Variants in LRRC4C observed in about 807,000 individuals in gnomAD.
LRRC4C encodes the protein leucine-rich repeat-containing protein 4C.
A neutral mutation model predicts 33.6 loss-of-function variants in LRRC4C; 5 were observed. The observed-to-expected ratio is 0.15, with a 90% CI of 0.08 to 0.31. The LOEUF is 0.31. Ranked by LOEUF, LRRC4C falls within the 10% of genes least tolerant of loss-of-function variation. LRRC4C has a pLI of 1.00. For synonymous variants in LRRC4C, 329 were observed against 302.0 expected, an observed-to-expected ratio of 1.09 and a Z score of -0.93; for missense variants, 560 against 796.7, an observed-to-expected ratio of 0.70 and a Z score of 3.58.
chr11:41,282,493 AGT>A, intron 1 of LRRC4C, among the ~76,000 whole-genome samples: 1 of 152,348 alleles, frequency 6.6e-6, no homozygotes, highest in Middle Eastern at 3.4e-3. Context: ...CAATGGGAGA[AGT>A]CCCAGAATCT....
intron 1 of LRRC4C, among the ~76,000 whole-genome samples, chr11:41,356,443 T>C (rs1449661728): frequency 2.0e-5 from 3 of 152,154 alleles, no homozygotes; most frequent in Non-Finnish European, 4.4e-5. Flanking sequence ...TAAGGGGCCC[T>C]AATCACCATC....
chr11:40,233,941 T>A (rs1178025386), intron 5 of LRRC4C, among the ~76,000 whole-genome samples: 1 of 152,144 alleles, frequency 6.6e-6, no homozygotes, highest in African/African-American at 2.4e-5. Flanking sequence ...TACTTCACAT[T>A]TATACTCTTA....
chr11:41,038,455 G>C (rs1458878533), intron 1 of LRRC4C, among the ~76,000 whole-genome samples: 1 of 152,028 alleles, frequency 6.6e-6, no homozygotes, highest in African/African-American at 2.4e-5. Flanking sequence ...CCTTGGGTGA[G>C]GTGTTTCCTT....
chr11:41,172,434 T>C (rs1405012440), intron 1 of LRRC4C, among the ~76,000 whole-genome samples: 1 of 152,168 alleles, frequency 6.6e-6, no homozygotes, highest in Non-Finnish European at 1.5e-5. Context: ...CACAAAACCA[T>C]TCTGAGGTTC....
intron 1 of LRRC4C, among the ~76,000 whole-genome samples, chr11:41,222,382 C>A (rs779685681): frequency 6.6e-6 from 1 of 152,262 alleles, no homozygotes; most frequent in African/African-American, 2.4e-5. Flanking sequence ...AGAGCAGGCT[C>A]ATTTGAAAAC....
intron 2 of LRRC4C, among the ~76,000 whole-genome samples, chr11:40,651,365 A>G (rs961967075): frequency 3.3e-5 from 5 of 151,684 alleles, no homozygotes; most frequent in African/African-American, 1.2e-4. Flanking sequence ...GGGGGAGAGG[A>G]GAGAGAGAGA....
At chr11:40,843,510 CTCTT>C (rs538170296) in intron 2 of LRRC4C, among the ~76,000 whole-genome samples, 2 of 152,148 alleles carry the variant, frequency 1.3e-5, no homozygotes, top group African/African-American at 2.4e-5. Flanking sequence ...GATTTTCTCT[CTCTT>C]TCTCACTCTC....
chr11:40,247,835 T>C (rs151066603), intron 4 of LRRC4C, among the ~76,000 whole-genome samples: 42 of 152,324 alleles, frequency 2.8e-4, no homozygotes, highest in African/African-American at 9.9e-4. Flanking sequence ...CAGTCATTTG[T>C]ACATATACTG....
Position 40,401,326 on chromosome 11 carries a change from C to T in LRRC4C, c.-269-81605G>A, listed in dbSNP as rs111696288. On this transcript the variant is annotated intron_variant, in intron 3 of 6. Transcript: ENST00000528697. ...GAATCTGCCTTTCGAGAACACAGTA[C>T]GGACAGGGCATTCACCTGAAATGTT... Among the ~76,000 whole-genome samples, 87 of 152,006 alleles carry T rather than the reference C, an allele frequency of 5.7e-4. No homozygotes were observed. The South Asian group carries it at 0.011, about 18-fold the overall frequency.
chr11:41,006,489 T>A (rs1327483659), intron 1 of LRRC4C, among the ~76,000 whole-genome samples: 1 of 152,180 alleles, frequency 6.6e-6, no homozygotes, highest in African/African-American at 2.4e-5. Context: ...CATTAGCATG[T>A]TTAACTTTCA....
At chr11:40,558,973 C>T (rs933534877) in intron 3 of LRRC4C, among the ~76,000 whole-genome samples, 10 of 152,068 alleles carry the variant, frequency 6.6e-5, no homozygotes, top group African/African-American at 2.4e-4. Context: ...TTTTTGTTCC[C>T]GTGCTAGTTT....
At chr11:40,886,046 A>G (rs1256424918) in intron 2 of LRRC4C, among the ~76,000 whole-genome samples, 1 of 152,090 alleles carries the variant, frequency 6.6e-6, no homozygotes, top group Admixed American at 6.6e-5. Flanking sequence ...AATGAGAGAA[A>G]TTGTCAGTGG....
chr11:40,517,849 G>C (rs1383506937), intron 3 of LRRC4C, among the ~76,000 whole-genome samples: 1 of 151,958 alleles, frequency 6.6e-6, no homozygotes, highest in East Asian at 1.9e-4. Flanking sequence ...CACACTACCT[G>C]ACTTCAAACT....
intron 1 of LRRC4C, among the ~76,000 whole-genome samples, chr11:41,275,853 G>T (rs1393746486): frequency 6.6e-6 from 1 of 152,078 alleles, no homozygotes; most frequent in Non-Finnish European, 1.5e-5. Flanking sequence ...AAAAATGCAG[G>T]TTATCAAAGA....
chr11:40,942,408 T>A (rs759483859), intron 1 of LRRC4C, among the ~76,000 whole-genome samples: 3 of 152,200 alleles, frequency 2.0e-5, no homozygotes, highest in Non-Finnish European at 4.4e-5. Context: ...TAGAAAGTGC[T>A]GCAGTTTTCA....
At chr11:41,187,618 A>G (rs1945754856) in intron 1 of LRRC4C, among the ~76,000 whole-genome samples, 1 of 152,216 alleles carries the variant, frequency 6.6e-6, no homozygotes, top group Admixed American at 6.5e-5. Context: ...CCAGTACACC[A>G]AGGTAAGAAC....
At chr11:40,961,450 A>C (rs984647186) in intron 1 of LRRC4C, among the ~76,000 whole-genome samples, 1 of 151,704 alleles carries the variant, frequency 6.6e-6, no homozygotes, top group African/African-American at 2.4e-5. Context: ...AAAGTATTGC[A>C]AACTTCCCAA....
At chr11:41,159,696 T>C (rs974775302) in intron 1 of LRRC4C, among the ~76,000 whole-genome samples, 1 of 152,124 alleles carries the variant, frequency 6.6e-6, no homozygotes, top group Non-Finnish European at 1.5e-5. Flanking sequence ...ATTATACTAT[T>C]TTACATATGA....
At chr11:40,959,055 A>G (rs1707262241) in intron 1 of LRRC4C, among the ~76,000 whole-genome samples, 1 of 151,710 alleles carries the variant, frequency 6.6e-6, no homozygotes, top group African/African-American at 2.4e-5. Context: ...GTTCTGCTTT[A>G]TATTAGAATC....
Sources: gnomAD v4.1 joint callset for allele counts (sites outside exome capture counted in the v4.1 genomes callset) on GRCh38, gnomAD v4.1.1 for gene constraint, MANE v1.5 for transcripts, NCBI Gene and HGNC (gene_info 2026-07-23, HGNC 2026-07-21) for gene names.